The following ERGIC1 variants were observed in gnomAD, a reference collection of about 807,000 sequenced individuals.
ERGIC1 encodes endoplasmic reticulum-golgi intermediate compartment 1, also known as endoplasmic reticulum-Golgi intermediate compartment protein 1.
In ERGIC1, 19 loss-of-function variants were observed where a neutral mutation model predicts 38.3. The observed-to-expected ratio is 0.50, with a 90% CI of 0.35 to 0.73. ERGIC1 has a LOEUF of 0.73. Ranked by LOEUF, ERGIC1 falls within the 30% of genes least tolerant of loss-of-function variation. ERGIC1 has a pLI of 0.01. For synonymous variants in ERGIC1, 124 were observed against 157.6 expected (o/e 0.79, Z 1.60); for missense variants, 294 against 389.2 (o/e 0.76, Z 2.06).
intron 1 of ERGIC1, among the ~76,000 whole-genome samples, chr5:172,848,118 G>A (rs1761322422): frequency 6.6e-6 from 1 of 152,226 alleles, no homozygotes; most frequent in Non-Finnish European, 1.5e-5. Flanking sequence ...GAGCTGAACA[G>A]GGAATAACTT....
chr5:172,869,178 C>G (rs562605329), intron 1 of ERGIC1, among the ~76,000 whole-genome samples: 1 of 152,220 alleles, frequency 6.6e-6, no homozygotes, highest in African/African-American at 2.4e-5. Flanking sequence ...AGTGTATAGA[C>G]AGATCTTCCC....
At chr5:172,868,295 C>G (rs189194343) in intron 1 of ERGIC1, among the ~76,000 whole-genome samples, 5 of 152,310 alleles carry the variant, frequency 3.3e-5, no homozygotes, top group Non-Finnish European at 7.4e-5. Flanking sequence ...ACAGCAGAGC[C>G]CCTGGCTCTG....
chr5:172,935,476 A>T, intron 9 of ERGIC1, 166 bp downstream of exon 9: 1 of 812,464 alleles, frequency 1.2e-6, no homozygotes, highest in Non-Finnish European at 1.9e-6. Context: ...GGATGCTGAG[A>T]AATGTTGTCA....
chr5:172,945,066 C>T (rs970772002), intron 9 of ERGIC1, among the ~76,000 whole-genome samples: 1 of 152,214 alleles, frequency 6.6e-6, no homozygotes, highest in African/African-American at 2.4e-5. Context: ...GTCTTGTGCA[C>T]CTCCCATGTG....
intron 9 of ERGIC1, among the ~76,000 whole-genome samples, chr5:172,942,216 TAAAA>T: frequency 6.6e-6 from 1 of 151,552 alleles, no homozygotes; most frequent in East Asian, 1.9e-4. Flanking sequence ...TAATAAAAAA[TAAAA>T]AAAAGAATTG....
chr5:172,932,709 C>T (rs1763806326), intron 8 of ERGIC1, 173 bp downstream of exon 8: 2 of 628,310 alleles, frequency 3.2e-6, no homozygotes, highest in East Asian at 2.8e-5. Context: ...AAAGCCCAGT[C>T]CCTGCCATGT....
At chr5:172,858,838 G>T (rs1401738733) in intron 1 of ERGIC1, among the ~76,000 whole-genome samples, 3 of 152,242 alleles carry the variant, frequency 2.0e-5, no homozygotes, top group African/African-American at 7.2e-5. Context: ...CCAGCCAGAT[G>T]TTTGGGGCCA....
chr5:172,860,716 G>C (rs894407775), intron 1 of ERGIC1, among the ~76,000 whole-genome samples: 2 of 152,236 alleles, frequency 1.3e-5, no homozygotes, highest in African/African-American at 4.8e-5. Context: ...CAAGGAGAGG[G>C]ACTGGTGCTT....
intron 1 of ERGIC1, among the ~76,000 whole-genome samples, chr5:172,878,534 G>T (rs77175374): frequency 1.3e-5 from 2 of 152,142 alleles, no homozygotes; most frequent in East Asian, 1.9e-4. Flanking sequence ...GTAAGCCCTC[G>T]CAAGGGGGGT....
intron 3 of ERGIC1, among the ~76,000 whole-genome samples, chr5:172,903,520 G>A (rs1762938807): frequency 6.6e-6 from 1 of 152,144 alleles, no homozygotes. Context: ...TTGGTCCTAT[G>A]ATCTTGGCCA....
At chr5:172,893,905 A>ATATGTGTGTGTGTGTGTGTGTGTG (rs1173039695) in intron 2 of ERGIC1, among the ~76,000 whole-genome samples, 3 of 15,542 alleles carry the variant, frequency 1.9e-4, no homozygotes, top group Admixed American at 1.4e-3. Flanking sequence ...ATATATATAT[A>ATATGTGTGTGTGTGTGTGTGTGTG]TGTGTGTGTG....
At chr5:172,919,677 G>A (rs1427274087) in intron 5 of ERGIC1, among the ~76,000 whole-genome samples, 1 of 152,242 alleles carries the variant, frequency 6.6e-6, no homozygotes, top group African/African-American at 2.4e-5. Flanking sequence ...CTCACAGGCT[G>A]TGAAACATGA....
chr5:172,903,365 G>C (rs1351383702), intron 3 of ERGIC1, among the ~76,000 whole-genome samples: 1 of 152,146 alleles, frequency 6.6e-6, no homozygotes, highest in African/African-American at 2.4e-5. Flanking sequence ...AAAGGACTAG[G>C]ATGCCTGCAT....
At chr5:172,914,254 A>AATAAATAAAT (rs1554112477) in intron 4 of ERGIC1, among the ~76,000 whole-genome samples, 7 of 131,238 alleles carry the variant, frequency 5.3e-5, no homozygotes, top group African/African-American at 1.8e-4. Flanking sequence ...AAAAAAAAAA[A>AATAAATAAAT]AAATACAAAG....
Position 172,926,612 on chromosome 5 carries a change from C to A in ERGIC1, c.541+43C>A. 1 of 1,603,634 alleles carries A rather than the reference C, an allele frequency of 6.2e-7. No individual in the cohort carries two copies. Among genetic ancestry groups the A allele is most frequent in the Non-Finnish European group, 8.5e-7 (1 of 1,176,410 alleles). Reference sequence around the variant, plus strand: ...GAACAGCCTTCTGCTCCAAGATGCCCAGTACAGCAGGCAGGGAGGGGGAGG... The same window carrying A: ...GAACAGCCTTCTGCTCCAAGATGCCAAGTACAGCAGGCAGGGAGGGGGAGG... On this transcript the variant is annotated intron_variant, in intron 7 of 9. Coordinates refer to ENST00000393784, the MANE Select transcript of ERGIC1 (RefSeq NM_001031711.3). This position sits in a 1 kb window ranked among gnomAD's most constrained non-coding sequence, Gnocchi z 5.2.
At chr5:172,864,763 G>A (rs950674916) in intron 1 of ERGIC1, among the ~76,000 whole-genome samples, 2 of 149,358 alleles carry the variant, frequency 1.3e-5, no homozygotes, top group African/African-American at 4.9e-5. Flanking sequence ...TTTTTTTTGA[G>A]CACCTATTAT....
At chr5:172,911,492 G>A (rs1296139491) in intron 4 of ERGIC1, among the ~76,000 whole-genome samples, 2 of 152,098 alleles carry the variant, frequency 1.3e-5, no homozygotes, top group Admixed American at 6.6e-5. Flanking sequence ...GATCTGTGGG[G>A]CTATAACCTG....
chr5:172,857,172 C>A (rs1436102165), intron 1 of ERGIC1, among the ~76,000 whole-genome samples: 1 of 152,166 alleles, frequency 6.6e-6, no homozygotes, highest in Non-Finnish European at 1.5e-5. Context: ...ATAAGGGGAA[C>A]TTCTTGAAGC....
chr5:172,854,237 C>T (rs1761483220), intron 1 of ERGIC1, among the ~76,000 whole-genome samples: 3 of 151,364 alleles, frequency 2.0e-5, no homozygotes, highest in South Asian at 4.1e-4. Flanking sequence ...AAAAAATTAG[C>T]TGGGCATGGT....
Sources: allele counts gnomAD v4.1 joint callset (sites outside exome capture counted in the v4.1 genomes callset), GRCh38; gene constraint gnomAD v4.1.1; non-coding constraint Gnocchi (gnomAD v3.1); transcripts MANE v1.5; gene names NCBI Gene and HGNC (gene_info 2026-07-23, HGNC 2026-07-21).